The following FBXL17 variants were observed in gnomAD, a reference collection of about 807,000 sequenced individuals.
FBXL17 encodes F-box/LRR-repeat protein 17.
FBXL17 carries 22 observed loss-of-function variants against 66.2 expected under a neutral mutation model. The ratio of observed to expected loss-of-function variants is 0.33; its 90% CI spans 0.24 to 0.47. FBXL17 has a LOEUF of 0.47. FBXL17 is among the 20% of genes least tolerant of loss of function. The pLI, the probability that FBXL17 is intolerant of heterozygous loss-of-function variation, is 1.00. For synonymous variants in FBXL17, 474 were observed against 400.5 expected, an observed-to-expected ratio of 1.18 and a Z score of -2.19; for missense variants, 878 against 948.2, an observed-to-expected ratio of 0.93 and a Z score of 0.97.
At chr5:107,906,186 C>T (rs543239804) in intron 7 of FBXL17, among the ~76,000 whole-genome samples, 177 of 151,534 alleles carry the variant, frequency 1.2e-3, no homozygotes, top group African/African-American at 4.1e-3. Context: ...TCTACTAATA[C>T]ATATTTTTAA....
At chr5:108,262,995 A>G (rs2150128114) in intron 4 of FBXL17, among the ~76,000 whole-genome samples, 1 of 152,298 alleles carries the variant, frequency 6.6e-6, no homozygotes, top group Non-Finnish European at 1.5e-5. Flanking sequence ...TGCTAGTGGA[A>G]CTCAGTGACA....
At position 107,861,193 on chromosome 5, in the gene FBXL17, C is replaced by G. The variant is rs1397574825; in HGVS notation, c.*527G>C. ...GTGGATAACATGCTACCTTAGTGGC[C>G]TGGAAGAAGGCTTCTCTGTCAGGAA... On this transcript the variant is annotated 3_prime_UTR_variant, in exon 9 of 9. Coordinates refer to ENST00000542267, the MANE Select transcript of FBXL17 (RefSeq NM_001163315.3). The G allele has an allele frequency of 6.6e-6, 1 of 152,210 alleles. No homozygotes were observed. The allele number at this position is 152,210 out of a possible 1,614,324, so 9.4% of individuals were successfully genotyped here.
chr5:108,328,214 T>C (rs1003247327), intron 4 of FBXL17, among the ~76,000 whole-genome samples: 3 of 152,116 alleles, frequency 2.0e-5, no homozygotes, highest in Non-Finnish European at 4.4e-5. Context: ...AAGTATATAG[T>C]ATTGAACATT....
chr5:108,348,369 A>G, intron 4 of FBXL17, 30 bp downstream of exon 4: 1 of 1,518,618 alleles, frequency 6.6e-7, no homozygotes, highest in South Asian at 1.3e-5. Flanking sequence ...GAACAAAATG[A>G]ACAATACAAG....
chr5:108,325,606 C>T (rs1759812852), intron 4 of FBXL17, among the ~76,000 whole-genome samples: 1 of 152,070 alleles, frequency 6.6e-6, no homozygotes, highest in African/African-American at 2.4e-5. Context: ...TCCCACCTCA[C>T]CATCTATAAT....
chr5:107,980,664 A>ATATATTT, intron 7 of FBXL17, among the ~76,000 whole-genome samples: 1 of 62,078 alleles, frequency 1.6e-5, no homozygotes, highest in African/African-American at 1.0e-4. Flanking sequence ...ATATATATAT[A>ATATATTT]TTTTTTTTTT....
At chr5:108,246,859 A>G (rs957580155) in intron 4 of FBXL17, among the ~76,000 whole-genome samples, 1 of 152,222 alleles carries the variant, frequency 6.6e-6, no homozygotes, top group Non-Finnish European at 1.5e-5. Flanking sequence ...AGAAAAGCAT[A>G]TATTTGCTCA....
chr5:108,164,706 A>G (rs1366858799), intron 6 of FBXL17, among the ~76,000 whole-genome samples: 1 of 152,176 alleles, frequency 6.6e-6, no homozygotes, highest in Non-Finnish European at 1.5e-5. Flanking sequence ...AAATCACACA[A>G]TAAGTTTATG....
At chr5:108,288,814 G>A (rs1460826467) in intron 4 of FBXL17, among the ~76,000 whole-genome samples, 1 of 151,902 alleles carries the variant, frequency 6.6e-6, no homozygotes, top group East Asian at 1.9e-4. Flanking sequence ...AAAATGGAGA[G>A]AGAGGTATCT....
At chr5:107,912,828 T>C (rs1221747117) in intron 7 of FBXL17, among the ~76,000 whole-genome samples, 1 of 152,106 alleles carries the variant, frequency 6.6e-6, no homozygotes, top group East Asian at 1.9e-4. Context: ...ATAAGGAAAG[T>C]GCACAATTTG....
chr5:107,910,681 TA>T (rs1472076685), intron 7 of FBXL17, among the ~76,000 whole-genome samples: 3 of 152,088 alleles, frequency 2.0e-5, no homozygotes, highest in African/African-American at 7.2e-5. Flanking sequence ...GATATACCAT[TA>T]AAAATATTTT....
At chr5:108,262,086 A>ATTTTT (rs1056144916) in intron 4 of FBXL17, among the ~76,000 whole-genome samples, 5 of 142,166 alleles carry the variant, frequency 3.5e-5, no homozygotes, top group South Asian at 2.2e-4. Context: ...TTATTTATTT[A>ATTTTT]TTTTTTTTGA....
chr5:107,984,715 A>G (rs1752954243), intron 7 of FBXL17, among the ~76,000 whole-genome samples: 1 of 152,246 alleles, frequency 6.6e-6, no homozygotes, highest in South Asian at 2.1e-4. Flanking sequence ...ATATGACCAC[A>G]GAGGAAAAAA....
chr5:108,159,654 A>AT (rs1752132366), intron 6 of FBXL17, among the ~76,000 whole-genome samples: 1 of 152,130 alleles, frequency 6.6e-6, no homozygotes, highest in Admixed American at 6.6e-5. Context: ...TAAGACATAA[A>AT]TTTTTGTCAT....
intron 5 of FBXL17, among the ~76,000 whole-genome samples, chr5:108,212,886 C>T (rs749417956): frequency 1.3e-5 from 2 of 152,200 alleles, no homozygotes; most frequent in African/African-American, 4.8e-5. Context: ...CAGGCAGGAA[C>T]ATTTAAGTCT....
chr5:108,338,946 C>G (rs769830412), intron 4 of FBXL17, among the ~76,000 whole-genome samples: 7 of 152,086 alleles, frequency 4.6e-5, no homozygotes, highest in Non-Finnish European at 8.8e-5. Flanking sequence ...AGGAACATCA[C>G]CTGTATATCT....
At chr5:108,331,031 C>A (rs549024653) in intron 4 of FBXL17, among the ~76,000 whole-genome samples, 1 of 151,914 alleles carries the variant, frequency 6.6e-6, no homozygotes, top group East Asian at 1.9e-4. Context: ...ACAGCCTGGG[C>A]GACAGAGCAA....
rs184794821 is a variant in FBXL17, at chr5:108,210,820, A to G, written c.1614+13301T>C. On this transcript the variant is annotated intron_variant, in intron 5 of 8. Coordinates refer to ENST00000542267, the MANE Select transcript of FBXL17 (RefSeq NM_001163315.3). ...GGGGTGGAGAGTTCTGTAGATGTCCATTAGGTCCTCTTGGTCCAGAGCTGA... is the reference window on the plus strand; with the variant it reads ...GGGGTGGAGAGTTCTGTAGATGTCCGTTAGGTCCTCTTGGTCCAGAGCTGA... Among the ~76,000 whole-genome samples the G allele has an allele frequency of 1.9e-3, 288 of 152,312 alleles. 2 individuals are homozygous for G. Among genetic ancestry groups the G allele is most frequent in the Middle Eastern group, 0.014 (4 of 294 alleles).
intron 4 of FBXL17, among the ~76,000 whole-genome samples, chr5:108,319,947 G>A (rs1300051209): frequency 6.6e-6 from 1 of 151,544 alleles, no homozygotes; most frequent in Non-Finnish European, 1.5e-5. Flanking sequence ...ATGACTACTT[G>A]CCTCGAATAT....
Sources: gnomAD v4.1 joint callset for allele counts (sites outside exome capture counted in the v4.1 genomes callset) on GRCh38, gnomAD v4.1.1 for gene constraint, MANE v1.5 for transcripts, NCBI Gene and HGNC (gene_info 2026-07-23, HGNC 2026-07-21) for gene names.